Variants in ATP2C2 observed in about 807,000 individuals in gnomAD.
ATP2C2 encodes the protein calcium-transporting ATPase type 2C member 2.
ATP2C2 carries 171 observed loss-of-function variants against 110.8 expected under a neutral mutation model. The ratio of observed to expected loss-of-function variants is 1.54; its 90% CI spans 1.36 to 1.75. The LOEUF (loss-of-function observed/expected upper bound fraction) is 1.75, where lower values mean the gene tolerates loss of function less well. ATP2C2 is among the 40% of genes most tolerant of loss of function. The pLI, the probability that ATP2C2 is intolerant of heterozygous loss-of-function variation, is 0.00. For synonymous variants in ATP2C2, 804 were observed against 508.4 expected, an observed-to-expected ratio of 1.58 and a Z score of -7.82; for missense variants, 1,963 against 1,235.0, an observed-to-expected ratio of 1.59 and a Z score of -8.84.
At chr16:84,423,334 G>T in intron 10 of ATP2C2, 71 bp downstream of exon 10, 1 of 1,432,524 alleles carries the variant, frequency 7.0e-7, no homozygotes, top group Non-Finnish European at 9.8e-7. Context: ...GGGTTGCCAT[G>T]GCCGTTTCTC....
chr16:84,405,818 G>T (rs976464175), intron 3 of ATP2C2, among the ~76,000 whole-genome samples: 2 of 152,188 alleles, frequency 1.3e-5, no homozygotes, highest in African/African-American at 4.8e-5. Flanking sequence ...TACTGAGGAG[G>T]CTGAGGTGGG....
intron 1 of ATP2C2, among the ~76,000 whole-genome samples, chr16:84,382,055 AT>A (rs1358941328): frequency 1.3e-4 from 20 of 152,276 alleles, no homozygotes; most frequent in African/African-American, 4.8e-4. Flanking sequence ...TTACATAGGT[AT>A]CCACGTGCCA....
At chr16:84,381,629 T>C (rs1441726164) in intron 1 of ATP2C2, among the ~76,000 whole-genome samples, 1 of 152,160 alleles carries the variant, frequency 6.6e-6, no homozygotes, top group Non-Finnish European at 1.5e-5. Flanking sequence ...TAAGTGTCTT[T>C]TCCCTCATAG....
In ATP2C2 at chr16:84,461,732, A is replaced by T. The variant is rs1425076322; in HGVS notation, c.2500A>T (p.Ser834Cys). 4.3e-6 allele frequency: 7 copies of T among 1,614,040 alleles called. No individual in the cohort carries two copies. Among genetic ancestry groups the T allele is most frequent in the Non-Finnish European group, 5.9e-6 (7 of 1,180,014 alleles). ...CTTCCAGATGCCTGAAGACAGAGCA[A>T]GCACTCCCCGCACCACGACGATGAC... ...FWKEMPEDRASTPRTTTMTFT... is the reference protein window; with the variant it reads ...FWKEMPEDRACTPRTTTMTFT... Residue 834 changes from serine (S) to cysteine (C), a missense_variant, in exon 25 of 27, where the codon AGC becomes TGC. Transcript: ENST00000262429.
At chr16:84,413,425 C>A (rs1430895984) in intron 6 of ATP2C2, among the ~76,000 whole-genome samples, 1 of 152,160 alleles carries the variant, frequency 6.6e-6, no homozygotes, top group Non-Finnish European at 1.5e-5. Context: ...AATTGACCCA[C>A]ATCACAGAGG....
chr16:84,463,706 G>C lies in ATP2C2; in HGVS notation c.2815G>C (p.Val939Leu), dbSNP rs750254622. ...CEKYCCSPKRVQMHPEDV is the reference protein window; with the variant it reads ...CEKYCCSPKRLQMHPEDV The stretch of plus-strand genomic sequence containing the variant: ...AAAATACTGTTGCAGCCCCAAGAGA[G>C]TCCAGATGCACCCTGAAGATGTGTA... Residue 939 changes from valine to leucine, a missense_variant, in exon 27 of 27, where the codon GTC becomes CTC. By Grantham distance (32) the Val-to-Leu change is conservative (BLOSUM62 1). Coordinates refer to ENST00000262429, the MANE Select transcript of ATP2C2 (RefSeq NM_014861.4). 1.4e-5 allele frequency: 22 copies of C among 1,614,030 alleles called. No homozygotes were observed. Among genetic ancestry groups the C allele is most frequent in the Non-Finnish European group, 1.9e-5 (22 of 1,179,886 alleles).
intron 21 of ATP2C2, among the ~76,000 whole-genome samples, chr16:84,456,462 A>G (rs913930303): frequency 2.8e-5 from 4 of 143,530 alleles, no homozygotes; most frequent in Admixed American, 7.1e-5. Flanking sequence ...CACCGCTCCT[A>G]TTCAACATAG....
intron 2 of ATP2C2, chr16:84,404,852 C>A (rs1905609317): frequency 4.7e-6 from 2 of 424,086 alleles, no homozygotes; most frequent in Non-Finnish European, 9.1e-6. Context: ...TGTGTTTCTG[C>A]ATTTCTGGAA....
chr16:84,368,825 C>T (rs1019539951), intron 1 of ATP2C2, 111 bp downstream of exon 1: 8 of 916,202 alleles, frequency 8.7e-6, no homozygotes, highest in Non-Finnish European at 1.3e-5. Flanking sequence ...CGAACTCGCC[C>T]TCCTCCCCTG....
rs1000085766 is a variant in ATP2C2 at position 84,435,361 on chromosome 16, T to C, written c.987-3805T>C. ...TAGCTCTGATGAAATGTGGTCTCTC[T>C]GTGTGATCCTGGTTGAATGGATTCT... is the stretch of plus-strand genomic sequence containing the variant. On this transcript the variant is annotated intron_variant, in intron 11 of 26. Transcript: ENST00000262429. 3.9e-5 allele frequency among the ~76,000 whole-genome samples: 6 copies of C among 152,360 alleles called. No individual in the cohort carries two copies. In the East Asian group the frequency reaches 1.2e-3, roughly 29 times the overall value.
chr16:84,375,147 T>C (rs1339441896), intron 1 of ATP2C2, among the ~76,000 whole-genome samples: 2 of 152,250 alleles, frequency 1.3e-5, no homozygotes, highest in Admixed American at 1.3e-4. Context: ...TATTCTGGGA[T>C]ATCTAGATAG....
chr16:84,437,570 C>T (rs1298562974), intron 11 of ATP2C2, among the ~76,000 whole-genome samples: 1 of 152,268 alleles, frequency 6.6e-6, no homozygotes, highest in South Asian at 2.1e-4. Context: ...GGCTGGAGCG[C>T]AGTGGCGCAG....
intron 2 of ATP2C2, 82 bp from the exon 3 acceptor site, chr16:84,405,046 C>T (rs750694052): frequency 1.4e-5 from 17 of 1,190,960 alleles, no homozygotes; most frequent in South Asian, 1.1e-4. Flanking sequence ...AAGCCGCTGC[C>T]TTTCAGAGTG....
At chr16:84,441,228 T>G (rs997930624) in intron 14 of ATP2C2, among the ~76,000 whole-genome samples, 6 of 152,018 alleles carry the variant, frequency 3.9e-5, no homozygotes, top group Admixed American at 2.0e-4. Context: ...AGGCCAGGAG[T>G]TCGAGACCAG....
At chr16:84,419,899 G>A (rs990912657) in intron 7 of ATP2C2, among the ~76,000 whole-genome samples, 1 of 152,160 alleles carries the variant, frequency 6.6e-6, no homozygotes, top group Admixed American at 6.5e-5. Context: ...TTTCCCAAAT[G>A]GGAGAGACTT....
chr16:84,398,470 G>A (rs756101311), intron 1 of ATP2C2, 29 bp from the exon 2 acceptor site: 15 of 1,493,756 alleles, frequency 1.0e-5, no homozygotes, highest in South Asian at 3.7e-5. Flanking sequence ...AGTTCAATCC[G>A]CTAAACAGCA....
intron 1 of ATP2C2, among the ~76,000 whole-genome samples, chr16:84,386,453 T>C (rs1453933050): frequency 6.6e-6 from 1 of 152,192 alleles, no homozygotes; most frequent in Non-Finnish European, 1.5e-5. Flanking sequence ...TTTCCCTGTA[T>C]GTAACCCATC....
Position 84,453,245 on chromosome 16 carries a change from C to T in ATP2C2, c.1929+10C>T, listed in dbSNP as rs749973094. 34 of 1,613,828 alleles carry T rather than the reference C, an allele frequency of 2.1e-5. No homozygotes were observed. The highest frequency in any genetic ancestry group is 5.0e-5 in the Admixed American group (3 of 59,994). On this transcript the variant is annotated intron_variant, in intron 19 of 26. Coordinates refer to ENST00000262429, the MANE Select transcript of ATP2C2 (RefSeq NM_014861.4). ...CGACCGCGTGGGGAAGGTGGGTCCCCGGAGGCTTGGCTGGCAGTGGGGCTG... is the reference window on the plus strand; with the variant it reads ...CGACCGCGTGGGGAAGGTGGGTCCCTGGAGGCTTGGCTGGCAGTGGGGCTG...
intron 4 of ATP2C2, among the ~76,000 whole-genome samples, chr16:84,409,753 T>A (rs2150525205): frequency 6.6e-6 from 1 of 152,108 alleles, no homozygotes; most frequent in African/African-American, 2.4e-5. Context: ...TCCGCCTCCC[T>A]TGGTCTCCCA....
Sources: allele counts gnomAD v4.1 joint callset (sites outside exome capture counted in the v4.1 genomes callset), GRCh38; gene constraint gnomAD v4.1.1; transcripts MANE v1.5; gene names NCBI Gene and HGNC (gene_info 2026-07-23, HGNC 2026-07-21).